The following TMEM132D variants were observed in gnomAD, a reference collection of about 807,000 sequenced individuals.
TMEM132D encodes the protein transmembrane protein 132D.
Under a neutral mutation model 62.3 loss-of-function variants are expected in TMEM132D, and 21 were observed. The ratio of observed to expected loss-of-function variants is 0.34; its 90% confidence interval spans 0.24 to 0.49. TMEM132D has a LOEUF of 0.49. Among genes scored for constraint, TMEM132D ranks in the 20% least tolerant of loss-of-function variants. TMEM132D has a pLI of 0.99. For missense variants in TMEM132D, 1,346 were observed against 1,402.8 expected, an observed-to-expected ratio of 0.96 and a Z score of 0.65; for synonymous variants, 621 against 575.6, an observed-to-expected ratio of 1.08 and a Z score of -1.13.
At chr12:129,234,459 CTG>C (rs1363949211) in intron 4 of TMEM132D, among the ~76,000 whole-genome samples, 5 of 152,216 alleles carry the variant, frequency 3.3e-5, no homozygotes, top group Non-Finnish European at 5.9e-5. Flanking sequence ...AATGCCCACT[CTG>C]TGTGTTCAAG....
chr12:129,250,169 A>G (rs117317799), intron 4 of TMEM132D, among the ~76,000 whole-genome samples: 2,942 of 152,290 alleles, frequency 0.019, 49 homozygotes, highest in Non-Finnish European at 0.031. Flanking sequence ...AAATACCCCA[A>G]TTACAGCCTC....
chr12:129,514,571 A>C (rs906458570), intron 3 of TMEM132D, among the ~76,000 whole-genome samples: 3 of 152,174 alleles, frequency 2.0e-5, no homozygotes, highest in African/African-American at 7.2e-5. Flanking sequence ...GAAATGATTT[A>C]TCTGTGCATG....
At chr12:129,782,808 C>A (rs1871157061) in intron 1 of TMEM132D, among the ~76,000 whole-genome samples, 1 of 152,224 alleles carries the variant, frequency 6.6e-6, no homozygotes, top group Non-Finnish European at 1.5e-5. Flanking sequence ...CAGGTGTATT[C>A]CTGATAAAGC....
intron 4 of TMEM132D, among the ~76,000 whole-genome samples, chr12:129,328,803 G>T (rs1869006128): frequency 6.6e-6 from 1 of 152,052 alleles, no homozygotes; most frequent in South Asian, 2.1e-4. Context: ...CTGGTTATGA[G>T]CTTAGACTCT....
chr12:129,538,638 TAG>T (rs1876480297), intron 2 of TMEM132D, among the ~76,000 whole-genome samples: 1 of 149,596 alleles, frequency 6.7e-6, no homozygotes, highest in African/African-American at 2.4e-5. Flanking sequence ...AATAATAAAA[TAG>T]AACAATTATG....
intron 2 of TMEM132D, among the ~76,000 whole-genome samples, chr12:129,550,479 C>A (rs1485914978): frequency 1.3e-5 from 2 of 152,168 alleles, no homozygotes; most frequent in East Asian, 3.9e-4. Flanking sequence ...CACTCCTGGG[C>A]CGCTCCTTTG....
chr12:129,828,688 GA>G (rs1566000065), intron 1 of TMEM132D, among the ~76,000 whole-genome samples: 1 of 18,236 alleles, frequency 5.5e-5, no homozygotes, highest in African/African-American at 1.4e-4. Flanking sequence ...AGGGAGGAAG[GA>G]AGGGAGGGAG....
intron 1 of TMEM132D, among the ~76,000 whole-genome samples, chr12:129,879,303 T>C (rs1475468753): frequency 6.6e-6 from 1 of 152,158 alleles, no homozygotes; most frequent in Non-Finnish European, 1.5e-5. Flanking sequence ...TCAAATCAAA[T>C]ACATCAGAAT....
At chr12:129,585,172 T>C (rs991887212) in intron 2 of TMEM132D, among the ~76,000 whole-genome samples, 4 of 152,192 alleles carry the variant, frequency 2.6e-5, no homozygotes, top group Non-Finnish European at 5.9e-5. Context: ...ATTTCATCCA[T>C]ATTAAGGAAA....
At chr12:129,626,817 A>T (rs1044145934) in intron 2 of TMEM132D, among the ~76,000 whole-genome samples, 8 of 152,020 alleles carry the variant, frequency 5.3e-5, no homozygotes, top group Non-Finnish European at 1.0e-4. Context: ...TAATTTTCTC[A>T]TGGCTTTTAT....
chr12:129,899,738 G>A (rs1004683408), intron 1 of TMEM132D, among the ~76,000 whole-genome samples: 3 of 151,976 alleles, frequency 2.0e-5, no homozygotes, highest in Admixed American at 6.5e-5. Flanking sequence ...ACCTTTCTAT[G>A]CACATAAATA....
chr12:129,178,756 C>T (rs1033425919), intron 5 of TMEM132D, among the ~76,000 whole-genome samples: 18 of 152,248 alleles, frequency 1.2e-4, no homozygotes, highest in Non-Finnish European at 2.2e-4. Context: ...CCAAATTCCT[C>T]CATGCCTATG....
intron 5 of TMEM132D, among the ~76,000 whole-genome samples, chr12:129,162,528 A>G (rs1196225159): frequency 3.9e-5 from 6 of 152,158 alleles, no homozygotes; most frequent in African/African-American, 1.2e-4. Flanking sequence ...TCCAATTCTC[A>G]TGGTGAGATG....
chr12:129,147,571 G>GT (rs1194086858), intron 5 of TMEM132D, among the ~76,000 whole-genome samples: 3 of 151,916 alleles, frequency 2.0e-5, no homozygotes, highest in African/African-American at 2.4e-5. Context: ...TGTCTTTATA[G>GT]TTTTTTTCTC....
At chr12:129,235,124 G>A (rs1375184096) in intron 4 of TMEM132D, among the ~76,000 whole-genome samples, 1 of 152,164 alleles carries the variant, frequency 6.6e-6, no homozygotes, top group Non-Finnish European at 1.5e-5. Flanking sequence ...CAGTACACCA[G>A]CCTCCGCTAT....
At chr12:129,877,651 A>C (rs941023468) in intron 1 of TMEM132D, among the ~76,000 whole-genome samples, 33 of 147,870 alleles carry the variant, frequency 2.2e-4, no homozygotes, top group Admixed American at 6.8e-4. Context: ...AGAGAGAGAG[A>C]GAGCGCTATA....
intron 3 of TMEM132D, among the ~76,000 whole-genome samples, chr12:129,412,281 A>C (rs934784042): frequency 1.3e-5 from 2 of 152,214 alleles, no homozygotes; most frequent in Non-Finnish European, 2.9e-5. Flanking sequence ...TTTATTCAGG[A>C]ACCTTCTGTA....
rs577235492 is a variant in TMEM132D, at chr12:129,896,347, T to C, written c.79+6914A>G. ...AGAGGCAGTGGCTGCCAGGTGTTCA[T>C]CTGCACGAGAAAGGAGAGGCCAGGG... On this transcript the variant is annotated intron_variant, in intron 1 of 8. Transcript: ENST00000422113. Among the ~76,000 whole-genome samples, 7 of 152,224 alleles carry C rather than the reference T, an allele frequency of 4.6e-5. No homozygotes were observed. In the South Asian group the frequency reaches 1.0e-3, roughly 23 times the overall value.
At chr12:129,304,376 C>T (rs1026697434) in intron 4 of TMEM132D, among the ~76,000 whole-genome samples, 4 of 151,860 alleles carry the variant, frequency 2.6e-5, no homozygotes, top group Non-Finnish European at 4.4e-5. Flanking sequence ...ATGGCTTGAA[C>T]GATCCCATAT....
Sources: allele counts gnomAD v4.1 joint callset (sites outside exome capture counted in the v4.1 genomes callset), GRCh38; gene constraint gnomAD v4.1.1; transcripts MANE v1.5; gene names NCBI Gene and HGNC (gene_info 2026-07-23, HGNC 2026-07-21).